Variants in ZBTB4 observed in about 807,000 individuals in gnomAD.
The protein encoded by ZBTB4 is zinc finger and BTB domain containing 4, also known as zinc finger and BTB domain-containing protein 4.
A neutral mutation model predicts 59.8 loss-of-function variants in ZBTB4; 14 were observed. The ratio of observed to expected loss-of-function variants is 0.23; its 90% CI spans 0.15 to 0.37. The LOEUF (loss-of-function observed/expected upper bound fraction) is 0.37, where lower values mean the gene tolerates loss of function less well. Ranked by LOEUF, ZBTB4 falls within the 10% of genes least tolerant of loss-of-function variation. The pLI, the probability that ZBTB4 is intolerant of heterozygous loss-of-function variation, is 1.00. For synonymous variants in ZBTB4, 587 were observed against 575.2 expected, an observed-to-expected ratio of 1.02 and a Z score of -0.29; for missense variants, 1,198 against 1,380.8, an observed-to-expected ratio of 0.87 and a Z score of 2.10.
rs113320638 is a variant in ZBTB4 at position 7,462,846 on chromosome 17, C to G, written c.2136G>C (p.Ala712=). 49 of 1,604,066 alleles carry G rather than the reference C, an allele frequency of 3.1e-5. No individual in the cohort carries two copies. The African/African-American group carries it at 3.5e-4, about 11-fold the overall frequency. The change falls in exon 4 of 4, where the codon GCG becomes GCC. Residue 712 remains alanine (A), a synonymous_variant. Transcript: ENST00000380599. The surrounding 1 kb of genome is among the most constrained non-coding windows in gnomAD (Gnocchi z 7.5). The part of the protein sequence containing the change: ...LERRSWEETP[A]AESPAGRART... ...GGGCACGTCCCGCTGGGCTCTCGGC[C>G]GCTGGGGTTTCCTCCCAGCTCCTCC... is the stretch of plus-strand genomic sequence containing the variant.
rs748261327 is a variant in ZBTB4 at position 7,463,463 on chromosome 17, C to A, written c.1519G>T (p.Val507Phe). The A allele has an allele frequency of 6.5e-7, 1 of 1,538,900 alleles. No individual in the cohort carries two copies. Among genetic ancestry groups the A allele is most frequent in the African/African-American group, 1.4e-5 (1 of 73,122 alleles). The change falls in exon 4 of 4, where the codon GTT becomes TTT. Residue 507 changes from valine (V) to phenylalanine (F), a missense_variant. Around this residue, in one of 9 missense-constraint regions of ZBTB4, gnomAD observed 550 missense variants for 541.8 expected, o/e 1.02. Coordinates refer to ENST00000380599, the MANE Select transcript of ZBTB4 (RefSeq NM_001128833.2). ...CTCGGGGGAGCAGTGTAAGTGATAA[C>A]CGAGGCAGCTTGGGACCCTCCTGTG... ...ASTGGSQAAS[V>F]ITYTAPPRPP...
chr17:7,480,672 A>G (rs549821246), upstream of ZBTB4, among the ~76,000 whole-genome samples: 14 of 152,230 alleles, frequency 9.2e-5, no homozygotes, highest in South Asian at 2.7e-3. Context: ...GTGAGCCGAG[A>G]TCTCGCCACT....
chr17:7,464,039 G>T, intron 3 of ZBTB4, 149 bp from the exon 4 acceptor site: 1 of 1,383,048 alleles, frequency 7.2e-7, no homozygotes, highest in South Asian at 1.5e-5. Flanking sequence ...CTCAGTGCAG[G>T]GTGCCCGTCT....
chr17:7,472,645 T>TTG (rs1369034193), intron 1 of ZBTB4, among the ~76,000 whole-genome samples: 1 of 134,916 alleles, frequency 7.4e-6, no homozygotes, highest in Non-Finnish European at 1.6e-5. Flanking sequence ...TTTTTTTTTT[T>TTG]TTTTTTTTTT....
Position 7,465,953 on chromosome 17 carries a change from G to A in ZBTB4, c.849C>T (p.Ala283=), listed in dbSNP as rs772329184. 2 of 1,604,404 alleles carry A rather than the reference G, an allele frequency of 1.2e-6. No homozygotes were observed. Among genetic ancestry groups the A allele is most frequent in the South Asian group, 2.2e-5 (2 of 90,446 alleles). ...AGCCCACTGGTGGAGGCAGGGCTGA[G>A]GCGTCCACCCCTGCAGGACCACCAG... is the stretch of plus-strand genomic sequence containing the variant. ...AGPGGPAGVD[A]SALPPPVGFR... The change falls in exon 3 of 4, where the codon GCC becomes GCT. Residue 283 remains alanine (A), a synonymous_variant. Coordinates refer to ENST00000380599, the MANE Select transcript of ZBTB4 (RefSeq NM_001128833.2).
Position 7,465,699 on chromosome 17 carries a change from T to C in ZBTB4, c.1091+12A>G, listed in dbSNP as rs756609356. ...GCCTCCAGCCGCTCCCCCGCCAGCC[T>C]GGATCACTCACCTGCGCTCCCCCGT... is the stretch of plus-strand genomic sequence containing the variant. On this transcript the variant is annotated intron_variant, in intron 3 of 3. Coordinates refer to ENST00000380599, the MANE Select transcript of ZBTB4 (RefSeq NM_001128833.2). 89 of 1,583,102 alleles carry C rather than the reference T, an allele frequency of 5.6e-5. No homozygotes were observed. In the East Asian group the frequency reaches 2.0e-3, roughly 35 times the overall value.
At chr17:7,468,745 A>G (rs1357919833) in intron 1 of ZBTB4, among the ~76,000 whole-genome samples, 1 of 152,126 alleles carries the variant, frequency 6.6e-6, no homozygotes, top group Non-Finnish European at 1.5e-5. Context: ...TACAATTCCC[A>G]TCCCCTGAAA....
At position 7,477,312 on chromosome 17, in the gene ZBTB4, G is replaced by A. The variant is rs372147950; in HGVS notation, c.-81+2144C>T. Among the ~76,000 whole-genome samples the A allele has an allele frequency of 4.6e-5, 7 of 152,344 alleles. No individual in the cohort carries two copies. In the East Asian group the frequency reaches 7.7e-4, roughly 17 times the overall value. Reference sequence around the variant, plus strand: ...AGACAATCAGCCCCATTCTGCAGATGAGGAACTGAGCTTCCTTCAGATCAA... The same window carrying A: ...AGACAATCAGCCCCATTCTGCAGATAAGGAACTGAGCTTCCTTCAGATCAA... On this transcript the variant is annotated intron_variant, in intron 1 of 3. Transcript: ENST00000380599.
In ZBTB4 at chr17:7,462,555, G is replaced by A. The variant is rs1475231955; in HGVS notation, c.2427C>T (p.Thr809=). 1.2e-6 allele frequency: 2 copies of A among 1,613,696 alleles called. No individual in the cohort carries two copies. The highest frequency in any genetic ancestry group is 2.2e-5 in the South Asian group (2 of 91,088). The change falls in exon 4 of 4, where the codon ACC becomes ACT. Residue 809 remains threonine (T), a synonymous_variant. Coordinates refer to ENST00000380599, the MANE Select transcript of ZBTB4 (RefSeq NM_001128833.2). The surrounding 1 kb of genome is among the most constrained non-coding windows in gnomAD (Gnocchi z 7.5). ...VIAYSKGSAG[T]RPGDVKEEAP... is the part of the protein sequence containing the mutation. ...CTTCCTCCTTGACATCCCCGGGCCT[G>A]GTGCCAGCGCTGCCCTTGGAATAGG...
Position 7,466,607 on chromosome 17 carries a change from T to C in ZBTB4, c.195A>G (p.Leu65=). 1 of 1,612,524 alleles carries C rather than the reference T, an allele frequency of 6.2e-7. No individual in the cohort carries two copies. Among genetic ancestry groups the C allele is most frequent in the Non-Finnish European group, 8.5e-7 (1 of 1,179,598 alleles). Residue 65 remains leucine, a synonymous_variant, in exon 3 of 4, where the codon CTA becomes CTG. Coordinates refer to ENST00000380599, the MANE Select transcript of ZBTB4 (RefSeq NM_001128833.2). The surrounding 1 kb of genome is among the most constrained non-coding windows in gnomAD (Gnocchi z 9.1). ...CGCCCCCAGTAGCTGGTGGAAGGGGTAGTGGGGCTGAAGTGAGCAGGGCCT... is the reference window on the plus strand; with the variant it reads ...CGCCCCCAGTAGCTGGTGGAAGGGGCAGTGGGGCTGAAGTGAGCAGGGCCT... ...FREALLTSAP[L]PLPPATGGAA...
At chr17:7,478,443 C>T (rs1211091437) in intron 1 of ZBTB4, among the ~76,000 whole-genome samples, 1 of 152,114 alleles carries the variant, frequency 6.6e-6, no homozygotes, top group Non-Finnish European at 1.5e-5. Flanking sequence ...CACGCAAACC[C>T]ATCCATCGCC....
At chr17:7,476,986 G>A (rs7210292) in intron 1 of ZBTB4, among the ~76,000 whole-genome samples, 1 of 152,142 alleles carries the variant, frequency 6.6e-6, no homozygotes, top group East Asian at 1.9e-4. Context: ...CTAGCTAAGT[G>A]ACTTGGGGCA....
At position 7,462,498 on chromosome 17, in the gene ZBTB4, G is replaced by A. The variant is rs756913479; in HGVS notation, c.2484C>T (p.Ser828=). The A allele has an allele frequency of 1.7e-5, 27 of 1,613,868 alleles. No individual in the cohort carries two copies. The highest frequency in any genetic ancestry group is 1.6e-4 in the Middle Eastern group (1 of 6,084). The change falls in exon 4 of 4, where the codon AGC becomes AGT. Residue 828 remains serine (S), a synonymous_variant. Coordinates refer to ENST00000380599, the MANE Select transcript of ZBTB4 (RefSeq NM_001128833.2). The surrounding 1 kb of genome is among the most constrained non-coding windows in gnomAD (Gnocchi z 7.5). ...APQEMQVSSS[S]GEAGGGSTAA... ...CAGTGCTCCCGCCACCTGCCTCACC[G>A]CTGGATGAGGAGACTTGCATCTCTT... is the stretch of plus-strand genomic sequence containing the variant.
In ZBTB4 at chr17:7,466,709, G is replaced by A. The variant is rs773315724; in HGVS notation, c.93C>T (p.Asp31=). 33 of 1,607,588 alleles carry A rather than the reference G, an allele frequency of 2.1e-5. No homozygotes were observed. The highest frequency in any genetic ancestry group is 6.9e-5 in the Admixed American group (4 of 58,302). Residue 31 remains aspartate (D), a synonymous_variant, in exon 3 of 4, where the codon GAC becomes GAT. Transcript: ENST00000380599. This position sits in a 1 kb window ranked among gnomAD's most constrained non-coding sequence, Gnocchi z 9.1. ...TGGTGTCTCCGGCTATGAGGGTGACGTCACAGAAGAGGCCACGGAGCCGCT... is the reference window on the plus strand; with the variant it reads ...TGGTGTCTCCGGCTATGAGGGTGACATCACAGAAGAGGCCACGGAGCCGCT... ...NEQRLRGLFC[D]VTLIAGDTKF...
At chr17:7,469,216 G>A (rs2070166336) in intron 1 of ZBTB4, among the ~76,000 whole-genome samples, 1 of 152,136 alleles carries the variant, frequency 6.6e-6, no homozygotes, top group South Asian at 2.1e-4. Context: ...GCCCAGACTG[G>A]AATGCAGTGG....
chr17:7,462,765 T>C lies in ZBTB4; in HGVS notation c.2217A>G (p.Arg739=), dbSNP rs1054945338. 7 of 1,602,616 alleles carry C rather than the reference T, an allele frequency of 4.4e-6. No homozygotes were observed. The highest frequency in any genetic ancestry group is 5.9e-6 in the Non-Finnish European group (7 of 1,179,828). ...GGGCCTCTTGGTGCTTCCGCAGCTT[T>C]CTCAGGGTGGTGAAGGTCTGGGCAC... is the stretch of plus-strand genomic sequence containing the variant. The part of the protein sequence containing the change: ...GDCAQTFTTL[R]KLRKHQEAHG... The change falls in exon 4 of 4, where the codon AGA becomes AGG. Residue 739 remains arginine (R), a synonymous_variant. Transcript: ENST00000380599. The surrounding 1 kb of genome is among the most constrained non-coding windows in gnomAD (Gnocchi z 7.5).
At chr17:7,483,444 C>A (rs572181840), upstream of ZBTB4, 9 of 258,268 alleles carry the variant, frequency 3.5e-5, no homozygotes, top group East Asian at 1.0e-4. Context: ...TTGTGCCCCC[C>A]CCTTGGGGTG....
intron 1 of ZBTB4, among the ~76,000 whole-genome samples, chr17:7,469,483 CCGGGCACGGTGGCT>C (rs2070169819): frequency 6.6e-6 from 1 of 150,772 alleles, no homozygotes; most frequent in Non-Finnish European, 1.5e-5. Context: ...CTCTTTAAGG[CCGGGCACGGTGGCT>C]CATGCCCGTA....
chr17:7,472,594 G>A (rs186479979), intron 1 of ZBTB4, among the ~76,000 whole-genome samples: 8 of 148,628 alleles, frequency 5.4e-5, no homozygotes, highest in Non-Finnish European at 1.2e-4. Flanking sequence ...GCCTCTCCAA[G>A]TGCCAGGATT....
Sources: allele counts gnomAD v4.1 joint callset (sites outside exome capture counted in the v4.1 genomes callset), GRCh38; gene constraint gnomAD v4.1.1; regional missense constraint gnomAD v4.1.1; non-coding constraint Gnocchi (gnomAD v3.1); transcripts MANE v1.5; gene names NCBI Gene and HGNC (gene_info 2026-07-23, HGNC 2026-07-21).